Variants in SH3TC1 observed in about 807,000 individuals in gnomAD.
SH3TC1 encodes the protein SH3 domain and tetratricopeptide repeat-containing protein 1.
SH3TC1 carries 135 observed loss-of-function variants against 117.3 expected under a neutral mutation model. That is an observed-to-expected ratio of 1.15 (90% confidence interval 1.00 to 1.33). SH3TC1 has a LOEUF of 1.33. Ranked by LOEUF, SH3TC1 falls within the 40% of genes most tolerant of loss-of-function variation. The pLI is 0.00. For synonymous variants in SH3TC1, 898 were observed against 816.9 expected, an observed-to-expected ratio of 1.10 and a Z score of -1.69; for missense variants, 2,092 against 1,794.3, an observed-to-expected ratio of 1.17 and a Z score of -3.00.
chr4:8,215,061 A>G (rs1343227782), intron 5 of SH3TC1: 4 of 440,640 alleles, frequency 9.1e-6, no homozygotes, highest in African/African-American at 8.0e-5. Flanking sequence ...CTCAGGGAGA[A>G]ATGCCGGGTA....
chr4:8,233,717 C>T (rs1462589386), intron 14 of SH3TC1, among the ~76,000 whole-genome samples: 5 of 149,364 alleles, frequency 3.3e-5, no homozygotes, highest in African/African-American at 1.2e-4. Context: ...TCCATCCTTC[C>T]ATTATCCATC....
intron 17 of SH3TC1, among the ~76,000 whole-genome samples, chr4:8,238,385 C>T (rs1041080325): frequency 2.6e-5 from 4 of 152,176 alleles, no homozygotes; most frequent in African/African-American, 4.8e-5. Context: ...GAACTGGGAC[C>T]GGCAGACTCG....
At chr4:8,233,193 G>A (rs529197442) in intron 13 of SH3TC1, 170 bp from the exon 14 acceptor site, 18 of 1,403,180 alleles carry the variant, frequency 1.3e-5, no homozygotes, top group East Asian at 2.6e-5. Context: ...TCCTTGCCGT[G>A]TGTGTTCAAC....
rs975276158 is a variant in SH3TC1, at chr4:8,233,465, GATCT to G, written c.3237_3240del (p.Tyr1080ThrfsTer63). The G allele has an allele frequency of 1.2e-6, 2 of 1,613,920 alleles. No individual in the cohort carries two copies. The highest frequency in any genetic ancestry group is 2.7e-5 in the African/African-American group (2 of 75,060). ...CGCATGCCTGGCTGCAAGCAGGGAA[GATCT>G]ATTACATCTTGCGGCAGAGCGAGCT... On this transcript the variant is annotated frameshift_variant, in exon 14 of 18. Coordinates refer to ENST00000245105, the MANE Select transcript of SH3TC1 (RefSeq NM_018986.5). LOFTEE classifies it high-confidence loss of function.
At chr4:8,234,677 G>A (rs866192297) in intron 14 of SH3TC1, among the ~76,000 whole-genome samples, 2 of 152,172 alleles carry the variant, frequency 1.3e-5, no homozygotes, top group Non-Finnish European at 2.9e-5. Flanking sequence ...AGCACCTGTT[G>A]TATGCCTTTC....
chr4:8,189,022 G>T (rs1386798184), intron 1 of SH3TC1, among the ~76,000 whole-genome samples: 1 of 152,260 alleles, frequency 6.6e-6, no homozygotes, highest in Non-Finnish European at 1.5e-5. Flanking sequence ...CAAGCCGGTG[G>T]TTCCCTCCCA....
At chr4:8,214,227 G>A (rs921018484) in intron 4 of SH3TC1, among the ~76,000 whole-genome samples, 2 of 152,082 alleles carry the variant, frequency 1.3e-5, no homozygotes, top group Non-Finnish European at 2.9e-5. Context: ...AGAGGGTGAG[G>A]AGCCAGGGCA....
At chr4:8,235,594 G>C (rs369971727) in intron 15 of SH3TC1, 39 bp downstream of exon 15, 3 of 1,524,706 alleles carry the variant, frequency 2.0e-6, no homozygotes, top group Non-Finnish European at 2.7e-6. Context: ...GGGCCCCAGG[G>C]GGGGCACCTT....
At position 8,193,731 on chromosome 4, in the gene SH3TC1, C is replaced by T. The variant is rs199741862; in HGVS notation, c.-57+11521C>T. Among the ~76,000 whole-genome samples, 15 of 152,234 alleles carry T rather than the reference C, an allele frequency of 9.9e-5. No individual in the cohort carries two copies. The East Asian group carries it at 2.9e-3, about 29-fold the overall frequency. ...ATGGGGGTGCTGCCATCGCCAGTGG[C>T]AGGTGGGGCTCCAAGCTGCAAAAAG... On this transcript the variant is annotated intron_variant, in intron 1 of 16. Transcript: ENST00000508641.
chr4:8,203,644 C>T (rs74390864), intron 1 of SH3TC1, among the ~76,000 whole-genome samples: 3,754 of 152,156 alleles, frequency 0.025, 105 homozygotes, highest in African/African-American at 0.072. Flanking sequence ...CCAGCATCTC[C>T]GCAACTCCTA....
intron 9 of SH3TC1, among the ~76,000 whole-genome samples, chr4:8,222,379 T>G (rs1048223182): frequency 2.1e-5 from 3 of 140,042 alleles, no homozygotes; most frequent in Non-Finnish European, 4.6e-5. Context: ...TTTTTTTTTT[T>G]TTTTTTTTTT....
chr4:8,235,714 G>A, intron 15 of SH3TC1, 159 bp downstream of exon 15: 2 of 1,051,394 alleles, frequency 1.9e-6, no homozygotes, highest in Non-Finnish European at 2.6e-6. Context: ...TATTGACTGT[G>A]CCCCCCGCCC....
intron 16 of SH3TC1, 49 bp downstream of exon 16, chr4:8,236,477 C>G: frequency 7.0e-7 from 1 of 1,422,992 alleles, no homozygotes; most frequent in Non-Finnish European, 9.2e-7. Context: ...TTTGCCAGAG[C>G]TCAGCCTCCA....
At chr4:8,222,785 G>A in intron 9 of SH3TC1, 55 bp from the exon 10 acceptor site, 2 of 1,588,488 alleles carry the variant, frequency 1.3e-6, no homozygotes, top group Non-Finnish European at 1.7e-6. Flanking sequence ...TGCTTAGTGT[G>A]AAATGCTGAC....
At chr4:8,234,089 T>G (rs1483673256) in intron 14 of SH3TC1, among the ~76,000 whole-genome samples, 1 of 149,562 alleles carries the variant, frequency 6.7e-6, no homozygotes, top group Non-Finnish European at 1.5e-5. Flanking sequence ...CATCCATCAT[T>G]CCATCATCCA....
intron 10 of SH3TC1, among the ~76,000 whole-genome samples, chr4:8,224,370 AC>A (rs895903555): frequency 6.6e-6 from 1 of 152,022 alleles, no homozygotes; most frequent in Non-Finnish European, 1.5e-5. Flanking sequence ...CAAGGCTCAG[AC>A]CCCCTGGATG....
At chr4:8,216,586 G>A (rs983005916) in intron 6 of SH3TC1, among the ~76,000 whole-genome samples, 19 of 152,188 alleles carry the variant, frequency 1.2e-4, no homozygotes, top group Non-Finnish European at 7.4e-5. Context: ...GAGGGGACAT[G>A]AGGCTGTCTT....
intron 8 of SH3TC1, among the ~76,000 whole-genome samples, chr4:8,219,127 C>A (rs922531014): frequency 3.9e-5 from 6 of 152,200 alleles, no homozygotes; most frequent in Admixed American, 2.6e-4. Flanking sequence ...CTCCATTTTT[C>A]TCATCTTCAA....
chr4:8,190,448 G>A lies in SH3TC1; in HGVS notation c.-57+8238G>A, dbSNP rs148981506. Among the ~76,000 whole-genome samples, 19 of 152,314 alleles carry A rather than the reference G, an allele frequency of 1.2e-4. No homozygotes were observed. The East Asian group carries it at 3.5e-3, about 28-fold the overall frequency. The stretch of plus-strand genomic sequence containing the variant: ...GGGGCTCTGAGGAGTTCGGGCCTAT[G>A]GGATTGGAGGTCCTGGGGGGACTCA... On this transcript the variant is annotated intron_variant, in intron 1 of 16. Transcript: ENST00000508641. This position sits in a 1 kb window ranked among gnomAD's most constrained non-coding sequence, Gnocchi z 4.7.
Sources: gnomAD v4.1 joint callset for allele counts (sites outside exome capture counted in the v4.1 genomes callset) on GRCh38, gnomAD v4.1.1 for gene constraint, Gnocchi (gnomAD v3.1) non-coding constraint, MANE v1.5 for transcripts, NCBI Gene and HGNC (gene_info 2026-07-23, HGNC 2026-07-21) for gene names.